The following TAFA1 variants were observed in gnomAD, a reference collection of about 807,000 sequenced individuals.
The protein encoded by TAFA1 is chemokine-like protein TAFA-1.
A neutral mutation model predicts 18.5 loss-of-function variants in TAFA1; 4 were observed. The observed-to-expected ratio is 0.22, with a 90% CI of 0.11 to 0.49. The LOEUF (loss-of-function observed/expected upper bound fraction) is 0.49, where lower values mean the gene tolerates loss of function less well. Among genes scored for constraint, TAFA1 ranks in the 20% least tolerant of loss-of-function variants. The pLI is 0.98. For synonymous variants in TAFA1, 56 were observed against 55.2 expected (o/e 1.01, Z -0.06); for missense variants, 147 against 169.0 (o/e 0.87, Z 0.72).
intron 2 of TAFA1, among the ~76,000 whole-genome samples, chr3:68,093,005 T>C (rs2065046129): frequency 6.6e-6 from 1 of 152,220 alleles, no homozygotes; most frequent in African/African-American, 2.4e-5. Context: ...TTCTTTTGGA[T>C]ACATAATCAG....
chr3:68,096,586 G>A, intron 2 of TAFA1, among the ~76,000 whole-genome samples: 1 of 151,912 alleles, frequency 6.6e-6, no homozygotes, highest in East Asian at 1.9e-4. Context: ...TTCCAGCTGG[G>A]GAAACTAAGG....
chr3:68,026,300 C>T (rs150142376), intron 2 of TAFA1, among the ~76,000 whole-genome samples: 7 of 151,996 alleles, frequency 4.6e-5, no homozygotes, highest in African/African-American at 1.7e-4. Context: ...AATGAGAGAT[C>T]TTTTGCTGCT....
At chr3:68,150,427 C>A (rs187225188) in intron 2 of TAFA1, among the ~76,000 whole-genome samples, 1 of 152,278 alleles carries the variant, frequency 6.6e-6, no homozygotes, top group Admixed American at 6.5e-5. Context: ...AGCCAAAGCC[C>A]AGGGCAGTTT....
At chr3:68,263,953 A>T (rs1422624873) in intron 2 of TAFA1, among the ~76,000 whole-genome samples, 3 of 152,208 alleles carry the variant, frequency 2.0e-5, no homozygotes, top group Non-Finnish European at 4.4e-5. Context: ...AATAACAGCT[A>T]TATAGAATTT....
intron 2 of TAFA1, among the ~76,000 whole-genome samples, chr3:68,204,371 C>A (rs1295919617): frequency 6.6e-6 from 1 of 151,756 alleles, no homozygotes; most frequent in African/African-American, 2.4e-5. Context: ...GAAAGCCCCC[C>A]ACTTACACTG....
chr3:68,429,888 A>C (rs1257612030), intron 3 of TAFA1, among the ~76,000 whole-genome samples: 1 of 151,876 alleles, frequency 6.6e-6, no homozygotes, highest in Non-Finnish European at 1.5e-5. Flanking sequence ...CATTTCTCAT[A>C]ACTCACTGTA....
At chr3:68,417,458 G>A (rs1187842907) in intron 3 of TAFA1, 38 bp downstream of exon 3, 2 of 1,599,908 alleles carry the variant, frequency 1.3e-6, no homozygotes, top group Non-Finnish European at 1.7e-6. Context: ...AGCTCACATG[G>A]CATTCACTAT....
At chr3:68,305,288 C>A (rs1337723282) in intron 2 of TAFA1, among the ~76,000 whole-genome samples, 1 of 150,602 alleles carries the variant, frequency 6.6e-6, no homozygotes, top group East Asian at 1.9e-4. Flanking sequence ...TTACAGCTCA[C>A]CCTAATGACC....
At chr3:68,048,379 C>G (rs185218862) in intron 2 of TAFA1, among the ~76,000 whole-genome samples, 5 of 151,984 alleles carry the variant, frequency 3.3e-5, no homozygotes, top group Admixed American at 2.0e-4. Context: ...TTGATATGGG[C>G]ATACAATGCA....
chr3:68,154,800 C>T (rs2065847824), intron 2 of TAFA1, among the ~76,000 whole-genome samples: 1 of 152,128 alleles, frequency 6.6e-6, no homozygotes, highest in Non-Finnish European at 1.5e-5. Context: ...TTCTATTCTC[C>T]CCAGTGCCCT....
chr3:68,076,504 G>A (rs2064826582), intron 2 of TAFA1, among the ~76,000 whole-genome samples: 1 of 125,088 alleles, frequency 8.0e-6, no homozygotes, highest in Admixed American at 1.2e-4. Context: ...TCCCCTTCCT[G>A]TGTCCATGCG....
chr3:68,486,924 C>T (rs1247596411), intron 3 of TAFA1, among the ~76,000 whole-genome samples: 1 of 152,094 alleles, frequency 6.6e-6, no homozygotes, highest in Non-Finnish European at 1.5e-5. Flanking sequence ...AATTTAAAAC[C>T]ATTTAAAATG....
At chr3:68,147,245 C>T (rs558154001) in intron 2 of TAFA1, among the ~76,000 whole-genome samples, 1 of 151,954 alleles carries the variant, frequency 6.6e-6, no homozygotes, top group African/African-American at 2.4e-5. Context: ...GGCAACATTC[C>T]TCTGCTTTAA....
intron 3 of TAFA1, among the ~76,000 whole-genome samples, chr3:68,474,779 A>T (rs2072060531): frequency 6.6e-6 from 1 of 152,230 alleles, no homozygotes; most frequent in Admixed American, 6.5e-5. Context: ...AGCCACACAA[A>T]TCATCACTAA....
intron 3 of TAFA1, among the ~76,000 whole-genome samples, chr3:68,536,448 A>C (rs1248346448): frequency 2.6e-5 from 4 of 151,960 alleles, no homozygotes; most frequent in African/African-American, 9.7e-5. Context: ...AACATGGGGG[A>C]TGGAGGGGAG....
At chr3:68,539,315 A>G (rs1304821580) in intron 4 of TAFA1, among the ~76,000 whole-genome samples, 2 of 152,172 alleles carry the variant, frequency 1.3e-5, no homozygotes, top group Non-Finnish European at 2.9e-5. Flanking sequence ...GATCCGTCAG[A>G]GAACTGAAAA....
At chr3:68,394,145 C>T (rs1285676796) in intron 2 of TAFA1, among the ~76,000 whole-genome samples, 1 of 152,098 alleles carries the variant, frequency 6.6e-6, no homozygotes, top group African/African-American at 2.4e-5. Flanking sequence ...CACAAGCATT[C>T]CTGTACACCA....
intron 2 of TAFA1, among the ~76,000 whole-genome samples, chr3:68,064,958 C>T (rs1389360018): frequency 6.6e-6 from 1 of 151,940 alleles, no homozygotes; most frequent in African/African-American, 2.4e-5. Flanking sequence ...TTATCACTTT[C>T]CATGGTTGGT....
intron 3 of TAFA1, among the ~76,000 whole-genome samples, chr3:68,473,413 C>A (rs1488088480): frequency 6.6e-6 from 1 of 152,124 alleles, no homozygotes; most frequent in Non-Finnish European, 1.5e-5. Flanking sequence ...AATATTTTGC[C>A]TTGCCTCTAG....
Sources: allele counts gnomAD v4.1 joint callset (sites outside exome capture counted in the v4.1 genomes callset), GRCh38; gene constraint gnomAD v4.1.1; transcripts MANE v1.5; gene names NCBI Gene and HGNC (gene_info 2026-07-23, HGNC 2026-07-21).